Variants in ALDOB observed in about 807,000 individuals in gnomAD.
ALDOB encodes aldolase, fructose-bisphosphate B, also known as fructose-bisphosphate aldolase B.
Under a neutral mutation model 41.0 loss-of-function variants are expected in ALDOB, and 39 were observed. That is an observed-to-expected ratio of 0.95 (90% CI 0.74 to 1.24). The LOEUF (loss-of-function observed/expected upper bound fraction) is 1.24, where lower values mean the gene tolerates loss of function less well. Among genes scored for constraint, ALDOB ranks in the 50% most tolerant of loss-of-function variants. ALDOB has a pLI of 0.00. For missense variants in ALDOB, 530 were observed against 457.3 expected, an observed-to-expected ratio of 1.16 and a Z score of -1.45; for synonymous variants, 175 against 168.8, an observed-to-expected ratio of 1.04 and a Z score of -0.28.
intron 1 of ALDOB, among the ~76,000 whole-genome samples, chr9:101,432,868 C>T (rs1831241141): frequency 6.6e-6 from 1 of 152,200 alleles, no homozygotes; most frequent in Non-Finnish European, 1.5e-5. Context: ...GATGACACCC[C>T]AGAGTACCTT....
chr9:101,429,670 T>G, intron 3 of ALDOB, 85 bp downstream of exon 3: 1 of 1,226,302 alleles, frequency 8.2e-7, no homozygotes. Flanking sequence ...GAGGAGAATG[T>G]TCAGAGTGTT....
intron 3 of ALDOB, among the ~76,000 whole-genome samples, chr9:101,429,150 T>G (rs1229495840): frequency 2.6e-5 from 4 of 151,882 alleles, no homozygotes; most frequent in Non-Finnish European, 5.9e-5. Flanking sequence ...TTTTTTTTTT[T>G]TTTTAGACAG....
intron 2 of ALDOB, 144 bp downstream of exon 2, chr9:101,430,632 A>G (rs1239688044): frequency 1.3e-5 from 9 of 699,602 alleles, no homozygotes; most frequent in Non-Finnish European, 2.0e-5. Flanking sequence ...AGGACTCAAA[A>G]GCTCTACGCT....
intron 3 of ALDOB, among the ~76,000 whole-genome samples, chr9:101,429,483 C>G (rs1831182249): frequency 6.6e-6 from 1 of 152,074 alleles, no homozygotes; most frequent in African/African-American, 2.4e-5. Flanking sequence ...CATTTCATCC[C>G]TGTAAGAACA....
At chr9:101,432,184 G>A (rs539702810) in intron 1 of ALDOB, among the ~76,000 whole-genome samples, 1 of 152,280 alleles carries the variant, frequency 6.6e-6, no homozygotes, top group South Asian at 2.1e-4. Context: ...TCATGAGAAG[G>A]TATAACTGAT....
chr9:101,422,841 A>G (rs78857183), intron 8 of ALDOB, among the ~76,000 whole-genome samples: 5,008 of 152,288 alleles, frequency 0.033, 298 homozygotes, highest in African/African-American at 0.12. Flanking sequence ...ATTATACATT[A>G]TATGCATATA....
rs190094483 is a variant in ALDOB at position 101,420,710 on chromosome 9, A to G, written c.*1099T>C. 2 of 152,108 alleles carry G rather than the reference A, an allele frequency of 1.3e-5. No homozygotes were observed. The highest frequency in any genetic ancestry group is 4.8e-5 in the African/African-American group (2 of 41,434). The allele number at this position is 152,108 out of a possible 1,614,324, so 9.4% of individuals were successfully genotyped here. ...TTCCTGACTCTCTTTGCTTTCTTCCACTTCTCCTCCCCCTTATATTTCCTA... is the reference window on the plus strand; with the variant it reads ...TTCCTGACTCTCTTTGCTTTCTTCCGCTTCTCCTCCCCCTTATATTTCCTA... On this transcript the variant is annotated 3_prime_UTR_variant, in exon 9 of 9. Coordinates refer to ENST00000647789, the MANE Select transcript of ALDOB (RefSeq NM_000035.4).
intron 2 of ALDOB, 29 bp downstream of exon 2, chr9:101,430,747 T>C (rs1471301038): frequency 1.3e-6 from 2 of 1,496,856 alleles, no homozygotes; most frequent in Non-Finnish European, 1.9e-6. Context: ...AATATGTTGT[T>C]ATATGATGAG....
chr9:101,422,659 A>G (rs1363806759), intron 8 of ALDOB, among the ~76,000 whole-genome samples: 1 of 152,244 alleles, frequency 6.6e-6, no homozygotes, highest in Non-Finnish European at 1.5e-5. Flanking sequence ...GTACAAAAAT[A>G]CAGTTAGGCA....
rs78779410 is a variant in ALDOB at position 101,434,767 on chromosome 9, G to A, written c.-11+942C>T. Among the ~76,000 whole-genome samples the A allele has an allele frequency of 8.9e-3, 1,362 of 152,218 alleles. 9 individuals are homozygous for A. The highest frequency in any genetic ancestry group is 0.015 in the Non-Finnish European group (1,034 of 68,022). Reference sequence around the variant, plus strand: ...CCTCTAAACTTGGAATGAAGCCAAAGGACCTCTTAGATATTCAACATTTCC... The same window carrying A: ...CCTCTAAACTTGGAATGAAGCCAAAAGACCTCTTAGATATTCAACATTTCC... On this transcript the variant is annotated intron_variant, in intron 1 of 8. Coordinates refer to ENST00000647789, the MANE Select transcript of ALDOB (RefSeq NM_000035.4).
chr9:101,429,946 G>T lies in ALDOB; in HGVS notation c.133C>A (p.Gln45Lys). 6.2e-7 allele frequency: 1 copy of T among 1,614,134 alleles called. No individual in the cohort carries two copies. Among genetic ancestry groups the T allele is most frequent in the Non-Finnish European group, 8.5e-7 (1 of 1,180,034 alleles). Residue 45 changes from glutamine to lysine, a missense_variant, in exon 3 of 9, where the codon CAG becomes AAG. By Grantham distance (53) the Gln-to-Lys change is moderately conservative. Transcript: ENST00000647789. ...TCAGTGTTTTCCACCTTGATCCTCTGCAGGCGGTTCCCCATGGTACCTATG... is the reference window on the plus strand; with the variant it reads ...TCAGTGTTTTCCACCTTGATCCTCTTCAGGCGGTTCCCCATGGTACCTATG... ...ESVGTMGNRL[Q>K]RIKVENTEEN...
At chr9:101,429,434 C>T (rs1831181385) in intron 3 of ALDOB, among the ~76,000 whole-genome samples, 1 of 152,178 alleles carries the variant, frequency 6.6e-6, no homozygotes, top group African/African-American at 2.4e-5. Flanking sequence ...GCTGGGATTA[C>T]AGCAGTAAGC....
rs530549434 is a variant in ALDOB at position 101,433,855 on chromosome 9, G to A, written c.-11+1854C>T. Reference sequence around the variant, plus strand: ...CACAATCATGACTCACTGAAGCCTCGTCCTCCTGGGCTCAAGTGATCTTCC... The same window carrying A: ...CACAATCATGACTCACTGAAGCCTCATCCTCCTGGGCTCAAGTGATCTTCC... On this transcript the variant is annotated intron_variant, in intron 1 of 8. Coordinates refer to ENST00000647789, the MANE Select transcript of ALDOB (RefSeq NM_000035.4). Among the ~76,000 whole-genome samples the A allele has an allele frequency of 2.4e-4, 36 of 151,808 alleles. No homozygotes were observed. The South Asian group carries it at 6.9e-3, about 29-fold the overall frequency.
At chr9:101,430,104 A>AT in intron 2 of ALDOB, 138 bp from the exon 3 acceptor site, 1 of 831,652 alleles carries the variant, frequency 1.2e-6, no homozygotes, top group Admixed American at 2.0e-5. Flanking sequence ...TCCTGCTTCA[A>AT]TTTTTTGTGT....
rs1209844483 is a variant in ALDOB, at chr9:101,425,710, G to A, written c.625-83C>T. On this transcript the variant is annotated intron_variant, in intron 6 of 8. Coordinates refer to ENST00000647789, the MANE Select transcript of ALDOB (RefSeq NM_000035.4). The stretch of plus-strand genomic sequence containing the variant: ...CCTTGGCACATTTACACTGCAGGGA[G>A]GCAGGATGAAGGAATTCTTATTTGT... 8 of 1,438,990 alleles carry A rather than the reference G, an allele frequency of 5.6e-6. No individual in the cohort carries two copies. The Admixed American group carries it at 1.3e-4, about 24-fold the overall frequency. The allele number at this position is 1,438,990 out of a possible 1,614,324, so 89.1% of individuals were successfully genotyped here.
rs533131687 is a variant in ALDOB at position 101,426,643 on chromosome 9, A to G, written c.541-5T>C. ...AACAATAGGTACCAGTCCATTCTAA[A>G]AAGGAAAATCAAGGAAGCAAAAGTG... On this transcript the variant is annotated splice_region_variant and splice_polypyrimidine_tract_variant and intron_variant, in intron 5 of 8. Transcript: ENST00000647789. 4 of 1,600,492 alleles carry G rather than the reference A, an allele frequency of 2.5e-6. No homozygotes were observed. The African/African-American group carries it at 4.0e-5, about 16-fold the overall frequency.
At chr9:101,424,710 A>T in intron 8 of ALDOB, 133 bp downstream of exon 8, 2 of 1,078,876 alleles carry the variant, frequency 1.9e-6, no homozygotes, top group Admixed American at 1.9e-5. Context: ...CTCTACTGCC[A>T]CATTTTCAAA....
intron 1 of ALDOB, among the ~76,000 whole-genome samples, chr9:101,434,858 TA>T (rs1374386316): frequency 2.6e-5 from 4 of 152,168 alleles, no homozygotes; most frequent in African/African-American, 9.7e-5. Context: ...GTGCCTTAGC[TA>T]AAGTGATGAA....
In ALDOB at chr9:101,421,912, A is replaced by T. The variant is rs1012065747; in HGVS notation, c.1000-8T>A. Reference sequence around the variant, plus strand: ...GGCCGCCTGGCAGTTAGCCTAGAAGACAAATATGAGAGAGGAGACTGGTTA... The same window carrying T: ...GGCCGCCTGGCAGTTAGCCTAGAAGTCAAATATGAGAGAGGAGACTGGTTA... On this transcript the variant is annotated splice_polypyrimidine_tract_variant and splice_region_variant and intron_variant, in intron 8 of 8. Transcript: ENST00000647789. The T allele has an allele frequency of 1.2e-6, 2 of 1,612,444 alleles. No homozygotes were observed. The highest frequency in any genetic ancestry group is 1.7e-6 in the Non-Finnish European group (2 of 1,179,068).
Sources: gnomAD v4.1 joint callset for allele counts (sites outside exome capture counted in the v4.1 genomes callset) on GRCh38, gnomAD v4.1.1 for gene constraint, MANE v1.5 for transcripts, NCBI Gene and HGNC (gene_info 2026-07-23, HGNC 2026-07-21) for gene names.